MASTL: variants seen among roughly 807,000 people sequenced by gnomAD.
The protein encoded by MASTL is serine/threonine-protein kinase greatwall.
Under a neutral mutation model 82.5 loss-of-function variants are expected in MASTL, and 54 were observed. That is an observed-to-expected ratio of 0.65 (90% CI 0.53 to 0.82). The LOEUF (loss-of-function observed/expected upper bound fraction) is 0.82, where lower values mean the gene tolerates loss of function less well. Among genes scored for constraint, MASTL ranks in the 40% least tolerant of loss-of-function variants. The pLI is 0.00. For synonymous variants in MASTL, 323 were observed against 368.9 expected (o/e 0.88, Z 1.43); for missense variants, 950 against 1,047.8 (o/e 0.91, Z 1.29).
At chr10:27,166,757 C>T (rs1426870271) in intron 6 of MASTL, among the ~76,000 whole-genome samples, 2 of 152,102 alleles carry the variant, frequency 1.3e-5, no homozygotes, top group African/African-American at 4.8e-5. Flanking sequence ...GGAGATCCTG[C>T]CATGAATTAG....
chr10:27,156,153 C>G (rs1263573159), intron 1 of MASTL, among the ~76,000 whole-genome samples: 1 of 152,004 alleles, frequency 6.6e-6, no homozygotes, highest in South Asian at 2.1e-4. Flanking sequence ...TACAAGCGCC[C>G]GTCACCACGC....
At chr10:27,163,805 T>C (rs2057651859) in intron 4 of MASTL, among the ~76,000 whole-genome samples, 1 of 150,286 alleles carries the variant, frequency 6.7e-6, no homozygotes, top group South Asian at 2.1e-4. Context: ...TAATTTTTTG[T>C]ATTTTTAGTA....
intron 9 of MASTL, among the ~76,000 whole-genome samples, chr10:27,179,606 C>T (rs2058209947): frequency 6.6e-6 from 1 of 152,086 alleles, no homozygotes; most frequent in Non-Finnish European, 1.5e-5. Context: ...ATTTTGCATC[C>T]AATGAATATT....
intron 7 of MASTL, among the ~76,000 whole-genome samples, chr10:27,168,800 C>T (rs551656012): frequency 1.3e-5 from 2 of 152,188 alleles, no homozygotes; most frequent in South Asian, 4.1e-4. Context: ...ACGAGCAAAA[C>T]TCCATCTTCA....
chr10:27,167,187 A>G lies in MASTL; in HGVS notation c.897A>G (p.Thr299=). The change falls in exon 7 of 12, where the codon ACA becomes ACG. Residue 299 remains threonine, a synonymous_variant. Transcript: ENST00000375940. ...NLLQSRKRLA[T]SSASSQSHTF... The stretch of plus-strand genomic sequence containing the variant: ...TCCAGTCTAGGAAAAGGCTGGCCAC[A>G]TCCAGTGCCAGTAGTCAATCCCACA... 6.2e-7 allele frequency: 1 copy of G among 1,614,096 alleles called. No individual in the cohort carries two copies. The highest frequency in any genetic ancestry group is 1.1e-5 in the South Asian group (1 of 91,086).
chr10:27,157,155 C>T (rs2057419479), intron 1 of MASTL, among the ~76,000 whole-genome samples: 1 of 152,090 alleles, frequency 6.6e-6, no homozygotes, highest in Admixed American at 6.6e-5. Flanking sequence ...TGCTCTTCTC[C>T]ACCTGTCTTA....
chr10:27,156,425 G>C (rs955573793), intron 1 of MASTL, among the ~76,000 whole-genome samples: 1 of 152,244 alleles, frequency 6.6e-6, no homozygotes, highest in Non-Finnish European at 1.5e-5. Context: ...CCACAGAAGA[G>C]TGATTAATCT....
In MASTL at chr10:27,171,068, C is replaced by A; in HGVS notation, c.2109C>A (p.Ser703=). ...TAACCCCTACTCAAAAAAGAAGATC[C>A]TGTATGCCACATCAGGTATATTTAT... The part of the protein sequence containing the change: ...MAITPTQKRR[S]CMPHQQTPNQ... The change falls in exon 8 of 12, where the codon TCC becomes TCA. Residue 703 remains serine (S), a synonymous_variant. Transcript: ENST00000375940. The A allele has an allele frequency of 6.2e-7, 1 of 1,613,810 alleles. No individual in the cohort carries two copies. The highest frequency in any genetic ancestry group is 8.5e-7 in the Non-Finnish European group (1 of 1,179,786).
chr10:27,165,660 T>G, intron 6 of MASTL, 121 bp downstream of exon 6: 1 of 1,141,586 alleles, frequency 8.8e-7, no homozygotes, highest in Non-Finnish European at 1.3e-6. Flanking sequence ...TCATCCAGGC[T>G]GGAGTGCAAT....
intron 6 of MASTL, 83 bp from the exon 7 acceptor site, chr10:27,167,019 G>A: frequency 2.8e-6 from 3 of 1,055,870 alleles, no homozygotes; most frequent in Non-Finnish European, 4.4e-6. Context: ...TTGATACTTT[G>A]CTTAATTATA....
intron 6 of MASTL, among the ~76,000 whole-genome samples, chr10:27,166,124 T>C (rs2057734512): frequency 6.6e-6 from 1 of 152,040 alleles, no homozygotes; most frequent in South Asian, 2.1e-4. Context: ...GGAGAATCGC[T>C]TGAACACAGG....
In MASTL at chr10:27,165,147, T is replaced by C. The variant is rs769039832; in HGVS notation, c.637T>C (p.Ser213Pro). The C allele has an allele frequency of 3.7e-6, 6 of 1,613,328 alleles. No homozygotes were observed. The highest frequency in any genetic ancestry group is 3.3e-5 in the South Asian group (3 of 91,064). ...DYSRTPGQVL[S>P]LISSLGFNTP... ...TTCAAGAACCCCAGGACAAGTGTTA[T>C]CGCTTATCAGCTCGTTGGGATTTGT... The change falls in exon 5 of 12, where the codon TCG (serine) becomes CCG (proline). Residue 213 changes from serine to proline, a missense_variant. Ser to Pro is a moderately conservative substitution (Grantham distance 74). Coordinates refer to ENST00000375940, the MANE Select transcript of MASTL (RefSeq NM_001172303.3).
rs1414221485 is a variant in MASTL at position 27,187,632 on chromosome 10, G to A, written c.*1096G>A. Among the ~76,000 whole-genome samples the A allele has an allele frequency of 1.3e-5, 2 of 151,740 alleles. No individual in the cohort carries two copies. The highest frequency in any genetic ancestry group is 2.9e-5 in the Non-Finnish European group (2 of 67,940). On this transcript the variant is annotated 3_prime_UTR_variant, in exon 12 of 12. Coordinates refer to ENST00000375940, the MANE Select transcript of MASTL (RefSeq NM_001172303.3). ...CCAGGTATGGTGACGCACACCTGTA[G>A]TCCCAGCTACTTGGGAGGCTGAGGC...
chr10:27,181,712 G>A (rs566146348), intron 11 of MASTL, 131 bp downstream of exon 11: 166 of 626,412 alleles, frequency 2.7e-4, no homozygotes, highest in African/African-American at 2.0e-3. Flanking sequence ...AGGCTGAGGC[G>A]GGCTGATCAC....
intron 7 of MASTL, among the ~76,000 whole-genome samples, chr10:27,169,425 C>G (rs935393692): frequency 2.6e-5 from 4 of 151,948 alleles, no homozygotes; most frequent in Non-Finnish European, 4.4e-5. Flanking sequence ...CAAAAATTAG[C>G]CAGGTGTGGT....
intron 6 of MASTL, among the ~76,000 whole-genome samples, chr10:27,166,433 G>A (rs1416387543): frequency 6.6e-6 from 1 of 152,040 alleles, no homozygotes; most frequent in Non-Finnish European, 1.5e-5. Flanking sequence ...ATGTTCCTTT[G>A]TCAGGAATGG....
At position 27,170,919 on chromosome 10, in the gene MASTL, G is replaced by A. The variant is rs377076820; in HGVS notation, c.1960G>A (p.Ala654Thr). ...KTLASKRNAV[A>T]FRSFNSHINA... ...GTTAGCCTCTAAAAGAAATGCTGTT[G>A]CTTTTCGAAGTTTTAACAGTCATAT... The change falls in exon 8 of 12, where the codon GCT (alanine) becomes ACT (threonine). Residue 654 changes from alanine (A) to threonine (T), a missense_variant. Coordinates refer to ENST00000375940, the MANE Select transcript of MASTL (RefSeq NM_001172303.3). 2 of 1,613,996 alleles carry A rather than the reference G, an allele frequency of 1.2e-6. No individual in the cohort carries two copies. The highest frequency in any genetic ancestry group is 8.5e-7 in the Non-Finnish European group (1 of 1,180,004).
intron 11 of MASTL, among the ~76,000 whole-genome samples, chr10:27,182,785 CT>C (rs35395419): frequency 0.76 from 111,649 of 146,780 alleles, 42,945 homozygotes; most frequent in Non-Finnish European, 0.85. Flanking sequence ...AATCTTACCT[CT>C]TTTTTTTTTT....
At chr10:27,171,309 T>C (rs1355067501) in intron 8 of MASTL, among the ~76,000 whole-genome samples, 1 of 152,092 alleles carries the variant, frequency 6.6e-6, no homozygotes, top group African/African-American at 2.4e-5. Flanking sequence ...TTTTATGTAC[T>C]TTCCTAAGAA....
Sources: allele counts gnomAD v4.1 joint callset (sites outside exome capture counted in the v4.1 genomes callset), GRCh38; gene constraint gnomAD v4.1.1; transcripts MANE v1.5; gene names NCBI Gene and HGNC (gene_info 2026-07-23, HGNC 2026-07-21).